The following DSCAM variants were observed in gnomAD, a reference collection of about 807,000 sequenced individuals.
DSCAM encodes cell adhesion molecule DSCAM.
A neutral mutation model predicts 217.7 loss-of-function variants in DSCAM; 47 were observed. The ratio of observed to expected loss-of-function variants is 0.22; its 90% CI spans 0.17 to 0.28. The LOEUF (loss-of-function observed/expected upper bound fraction) is 0.28. Ranked by LOEUF, DSCAM falls within the 10% of genes least tolerant of loss-of-function variation. DSCAM has a pLI of 1.00. For synonymous variants in DSCAM, 1,056 were observed against 1,015.3 expected (o/e 1.04, Z -0.76); for missense variants, 2,080 against 2,618.3 (o/e 0.79, Z 4.49).
chr21:40,366,248 T>C (rs369205826), intron 4 of DSCAM, among the ~76,000 whole-genome samples: 15 of 152,290 alleles, frequency 9.8e-5, no homozygotes, highest in East Asian at 9.6e-4. Context: ...TTCTCATCAA[T>C]TGCTTGGCTT....
intron 3 of DSCAM, among the ~76,000 whole-genome samples, chr21:40,646,904 A>G (rs1399016186): frequency 2.0e-5 from 3 of 152,208 alleles, no homozygotes; most frequent in Non-Finnish European, 2.9e-5. Context: ...ACCAGTCTCC[A>G]AGGGTTTCTG....
At chr21:40,591,095 G>T (rs972336728) in intron 3 of DSCAM, among the ~76,000 whole-genome samples, 2 of 134,966 alleles carry the variant, frequency 1.5e-5, no homozygotes, top group Non-Finnish European at 3.4e-5. Flanking sequence ...GAGTTCTCAC[G>T]AGATCACATT....
At chr21:40,209,365 C>T (rs904881383) in intron 11 of DSCAM, among the ~76,000 whole-genome samples, 11 of 152,198 alleles carry the variant, frequency 7.2e-5, no homozygotes, top group Admixed American at 2.6e-4. Context: ...ATTTCATAGA[C>T]GTTGCATGGC....
At chr21:40,263,283 G>A (rs2073478854) in intron 11 of DSCAM, among the ~76,000 whole-genome samples, 1 of 152,096 alleles carries the variant, frequency 6.6e-6, no homozygotes, top group Admixed American at 6.5e-5. Context: ...TTTTGAAATA[G>A]ACAAAATCAT....
At chr21:40,178,783 T>C (rs2090761112) in intron 15 of DSCAM, 144 bp downstream of exon 15, 1 of 950,222 alleles carries the variant, frequency 1.1e-6, no homozygotes, top group Non-Finnish European at 1.5e-6. Context: ...CTGCGTTTTT[T>C]ATAGGGCACA....
intron 10 of DSCAM, among the ~76,000 whole-genome samples, chr21:40,290,113 A>G (rs1464903229): frequency 6.6e-6 from 1 of 152,252 alleles, no homozygotes; most frequent in African/African-American, 2.4e-5. Flanking sequence ...AAAACCAGAG[A>G]GAAAATGACA....
At chr21:40,040,583 AAAAGC>A (rs2088728592) in intron 32 of DSCAM, among the ~76,000 whole-genome samples, 1 of 72,602 alleles carries the variant, frequency 1.4e-5, no homozygotes, top group African/African-American at 3.7e-5. Context: ...GGAGAAAAAT[AAAAGC>A]AAGAAGGAAG....
At chr21:40,845,950 G>A (rs1221607847) in intron 1 of DSCAM, among the ~76,000 whole-genome samples, 1 of 151,066 alleles carries the variant, frequency 6.6e-6, no homozygotes, top group Non-Finnish European at 1.5e-5. Context: ...ATGAGGAAAT[G>A]TATGCTATTT....
chr21:40,662,617 T>C (rs1311018201), intron 3 of DSCAM, among the ~76,000 whole-genome samples: 1 of 152,210 alleles, frequency 6.6e-6, no homozygotes, highest in Admixed American at 6.5e-5. Flanking sequence ...TGGATGTTTG[T>C]GTCCCCTAAA....
chr21:40,142,259 G>A (rs369716824), intron 18 of DSCAM, among the ~76,000 whole-genome samples: 16 of 152,134 alleles, frequency 1.1e-4, no homozygotes, highest in African/African-American at 3.6e-4. Flanking sequence ...TAGAGATGGA[G>A]GTTTTGGTGC....
At chr21:40,184,587 T>C (rs11911602) in intron 14 of DSCAM, among the ~76,000 whole-genome samples, 10,316 of 152,276 alleles carry the variant, frequency 0.068, 1,115 homozygotes, top group African/African-American at 0.23. Flanking sequence ...CTCAGCTTTA[T>C]AGACAAGGAG....
intron 1 of DSCAM, among the ~76,000 whole-genome samples, chr21:40,756,983 G>C (rs1462842869): frequency 1.3e-5 from 2 of 151,656 alleles, no homozygotes; most frequent in Non-Finnish European, 2.9e-5. Context: ...GGTCGTGTGT[G>C]TGTGTGTGTG....
chr21:40,360,646 A>G (rs1170142561), intron 4 of DSCAM, among the ~76,000 whole-genome samples: 1 of 152,100 alleles, frequency 6.6e-6, no homozygotes, highest in Non-Finnish European at 1.5e-5. Context: ...ATGAGATTTC[A>G]TTCTTTTTTA....
At chr21:40,730,327 A>G (rs913233577) in intron 1 of DSCAM, among the ~76,000 whole-genome samples, 13 of 152,196 alleles carry the variant, frequency 8.5e-5, no homozygotes, top group African/African-American at 3.1e-4. Context: ...ATCCTGTGGA[A>G]CATTTTTAAA....
intron 1 of DSCAM, among the ~76,000 whole-genome samples, chr21:40,820,176 C>T (rs1442691528): frequency 6.6e-6 from 1 of 152,070 alleles, no homozygotes; most frequent in African/African-American, 2.4e-5. Flanking sequence ...TTTATTACAG[C>T]ACTATATATA....
chr21:40,248,412 C>A (rs912577544), intron 11 of DSCAM, among the ~76,000 whole-genome samples: 12 of 152,194 alleles, frequency 7.9e-5, no homozygotes, highest in Admixed American at 7.2e-4. Flanking sequence ...TTAGAAATTT[C>A]TTCCACCAGA....
intron 3 of DSCAM, among the ~76,000 whole-genome samples, chr21:40,414,258 A>G (rs2075349860): frequency 6.6e-6 from 1 of 152,264 alleles, no homozygotes; most frequent in African/African-American, 2.4e-5. Flanking sequence ...TCTAGCACAT[A>G]TAAGAGTTCT....
intron 3 of DSCAM, among the ~76,000 whole-genome samples, chr21:40,550,027 A>G (rs1051404786): frequency 1.3e-5 from 2 of 152,120 alleles, no homozygotes; most frequent in African/African-American, 4.8e-5. Flanking sequence ...TGAGTTCTTG[A>G]CGTTATTTAC....
chr21:40,519,835 ACT>A (rs140191515), intron 3 of DSCAM, among the ~76,000 whole-genome samples: 36 of 140,790 alleles, frequency 2.6e-4, no homozygotes, highest in Non-Finnish European at 3.9e-4. Context: ...TGTCTCTCTC[ACT>A]CTCTCTCTCT....
Sources: gnomAD v4.1 joint callset for allele counts (sites outside exome capture counted in the v4.1 genomes callset) on GRCh38, gnomAD v4.1.1 for gene constraint, MANE v1.5 for transcripts, NCBI Gene and HGNC (gene_info 2026-07-23, HGNC 2026-07-21) for gene names.